Variants in ZKSCAN5 observed in about 807,000 individuals in gnomAD.
ZKSCAN5 encodes the protein zinc finger with KRAB and SCAN domains 5, also known as zinc finger protein with KRAB and SCAN domains 5.
A neutral mutation model predicts 60.0 loss-of-function variants in ZKSCAN5; 28 were observed. The ratio of observed to expected loss-of-function variants is 0.47; its 90% CI spans 0.35 to 0.64. The LOEUF (loss-of-function observed/expected upper bound fraction) is 0.64. Ranked by LOEUF, ZKSCAN5 falls within the 30% of genes least tolerant of loss-of-function variation. ZKSCAN5 has a pLI of 0.01. For missense variants in ZKSCAN5, 881 were observed against 1,034.6 expected, an observed-to-expected ratio of 0.85 and a Z score of 2.04; for synonymous variants, 361 against 371.2, an observed-to-expected ratio of 0.97 and a Z score of 0.31.
rs532518040 is a variant in ZKSCAN5, at chr7:99,533,829, T to C, written c.*1580T>C. On this transcript the variant is annotated 3_prime_UTR_variant, in exon 7 of 7. Coordinates refer to ENST00000326775, the MANE Select transcript of ZKSCAN5 (RefSeq NM_145102.4). ...TAAATCACACTGTCAATCACATGGT[T>C]CTGAATCCCTGTCTCAGGCTCTGCT... 1 of 390,796 alleles carries C rather than the reference T, an allele frequency of 2.6e-6. No homozygotes were observed. Among genetic ancestry groups the C allele is most frequent in the Admixed American group, 4.4e-5 (1 of 22,484 alleles). The allele number at this position is 390,796 out of a possible 1,614,324, so 24.2% of individuals were successfully genotyped here.
At chr7:99,509,939 T>C (rs1800941582) in intron 2 of ZKSCAN5, among the ~76,000 whole-genome samples, 2 of 152,116 alleles carry the variant, frequency 1.3e-5, no homozygotes. Context: ...TGGAGGTTTT[T>C]GTTTTTCATG....
rs889055689 is a variant in ZKSCAN5, at chr7:99,531,618, A to C, written c.1889A>C (p.Glu630Ala). 1 of 1,614,206 alleles carries C rather than the reference A, an allele frequency of 6.2e-7. No homozygotes were observed. The highest frequency in any genetic ancestry group is 1.3e-5 in the African/African-American group (1 of 75,058). The stretch of plus-strand genomic sequence containing the variant: ...CAGCATCAGAGCGTGCACAGTGGGG[A>C]GAGACCCTTCAAGTGTAACGAATGT... ...LVQHQSVHSG[E>A]RPFKCNECGK... Residue 630 changes from glutamate (E) to alanine (A), a missense_variant, in exon 7 of 7, where the codon GAG (glutamate) becomes GCG (alanine). Coordinates refer to ENST00000326775, the MANE Select transcript of ZKSCAN5 (RefSeq NM_145102.4).
chr7:99,526,038 A>G lies in ZKSCAN5; in HGVS notation c.998A>G (p.Asp333Gly). ...SQKRDLDAITDISPKQSTHGE... is the reference protein window; with the variant it reads ...SQKRDLDAITGISPKQSTHGE... ...AAAAGGGATCTGGATGCAATCACAG[A>G]CATCAGCCCTAAGCAAAGCACACAT... Residue 333 changes from aspartate (D) to glycine (G), a missense_variant, in exon 6 of 7, where the codon GAC becomes GGC. Coordinates refer to ENST00000326775, the MANE Select transcript of ZKSCAN5 (RefSeq NM_145102.4). 2 of 1,614,214 alleles carry G rather than the reference A, an allele frequency of 1.2e-6. No homozygotes were observed. Among genetic ancestry groups the G allele is most frequent in the Non-Finnish European group, 1.7e-6 (2 of 1,180,034 alleles).
chr7:99,515,011 C>A (rs181974953), intron 3 of ZKSCAN5, among the ~76,000 whole-genome samples: 1 of 151,656 alleles, frequency 6.6e-6, no homozygotes, highest in Non-Finnish European at 1.5e-5. Context: ...CCCAGGAATT[C>A]GAGGCTGCAG....
intron 2 of ZKSCAN5, among the ~76,000 whole-genome samples, chr7:99,510,274 C>T (rs1162642666): frequency 6.6e-6 from 1 of 151,812 alleles, no homozygotes; most frequent in Non-Finnish European, 1.5e-5. Flanking sequence ...GAGTCTGGCT[C>T]TGCCACCCAG....
chr7:99,516,593 T>G (rs1281457037), intron 3 of ZKSCAN5, among the ~76,000 whole-genome samples: 1 of 152,080 alleles, frequency 6.6e-6, no homozygotes, highest in Middle Eastern at 3.2e-3. Context: ...TCTGTGCAAG[T>G]CAAGGCACAT....
At chr7:99,518,282 T>G (rs1801355688) in intron 3 of ZKSCAN5, among the ~76,000 whole-genome samples, 1 of 151,506 alleles carries the variant, frequency 6.6e-6, no homozygotes, top group Non-Finnish European at 1.5e-5. Flanking sequence ...TTAGCCAAGC[T>G]TGGTGGTGCA....
intron 3 of ZKSCAN5, chr7:99,513,774 TC>T: frequency 3.0e-6 from 1 of 330,784 alleles, no homozygotes; most frequent in Non-Finnish European, 6.3e-6. Context: ...ACACTTGTAA[TC>T]CCTGCACTTT....
intron 6 of ZKSCAN5, 104 bp downstream of exon 6, chr7:99,526,522 G>C: frequency 1.4e-6 from 2 of 1,479,908 alleles, no homozygotes; most frequent in Non-Finnish European, 9.0e-7. Context: ...TACTGGGGGG[G>C]GTAGGAAGAG....
At chr7:99,505,326 T>C (rs377694093) in intron 1 of ZKSCAN5, 5 of 152,258 alleles carry the variant, frequency 3.3e-5, no homozygotes, top group African/African-American at 1.2e-4. Context: ...AAGAACCGCA[T>C]CTTCCCAGCC....
chr7:99,528,111 A>G (rs1264767322), intron 6 of ZKSCAN5, among the ~76,000 whole-genome samples: 1 of 150,414 alleles, frequency 6.6e-6, no homozygotes, highest in Non-Finnish European at 1.5e-5. Context: ...ACCAGCCAAA[A>G]TGTTTTTCTT....
intron 6 of ZKSCAN5, 121 bp downstream of exon 6, chr7:99,526,539 G>T: frequency 6.9e-7 from 1 of 1,449,064 alleles, no homozygotes; most frequent in Non-Finnish European, 9.2e-7. Context: ...AGAGGCAAAG[G>T]TTATCGTTTA....
rs1802039321 is a variant in ZKSCAN5, at chr7:99,531,393, G to C, written c.1664G>C (p.Gly555Ala). Reference sequence around the variant, plus strand: ...AGACCACATAAATGTAACGAGTGTGGGAAAAGCTTCATTCAGAGTGCACAT... The same window carrying C: ...AGACCACATAAATGTAACGAGTGTGCGAAAAGCTTCATTCAGAGTGCACAT... Reference protein sequence around the residue: ...GERPHKCNECGKSFIQSAHLI... With the variant: ...GERPHKCNECAKSFIQSAHLI... Residue 555 changes from glycine (G) to alanine (A), a missense_variant, in exon 7 of 7, where the codon GGG becomes GCG. Around this residue, in one of 5 missense-constraint regions of ZKSCAN5, gnomAD observed 490 missense variants for 554.5 expected, o/e 0.88. Coordinates refer to ENST00000326775, the MANE Select transcript of ZKSCAN5 (RefSeq NM_145102.4). 1 of 1,614,002 alleles carries C rather than the reference G, an allele frequency of 6.2e-7. No individual in the cohort carries two copies. The highest frequency in any genetic ancestry group is 1.3e-5 in the African/African-American group (1 of 74,888).
chr7:99,513,752 G>A (rs1340589171), intron 3 of ZKSCAN5: 1 of 353,142 alleles, frequency 2.8e-6, no homozygotes, highest in Non-Finnish European at 5.8e-6. Context: ...ACAAGGCCGG[G>A]CTCAGTGGCT....
intron 5 of ZKSCAN5, among the ~76,000 whole-genome samples, chr7:99,524,626 C>T (rs1801692887): frequency 6.6e-6 from 1 of 152,140 alleles, no homozygotes; most frequent in Non-Finnish European, 1.5e-5. Flanking sequence ...CTAATTATAG[C>T]CACTGAAACA....
intron 5 of ZKSCAN5, among the ~76,000 whole-genome samples, chr7:99,525,497 G>T (rs753908228): frequency 6.6e-6 from 1 of 150,770 alleles, no homozygotes; most frequent in Non-Finnish European, 1.5e-5. Flanking sequence ...ACGCGCGCGC[G>T]CACACACACA....
Position 99,506,404 on chromosome 7 carries a change from G to C in ZKSCAN5, c.360G>C (p.Glu120Asp). ...AACATCACCCTGAAAGTGGAGAAGA[G>C]GCGGTGGCCGTGATAGAAAATATAC... ...VREHHPESGE[E>D]AVAVIENIQR... The change falls in exon 2 of 7, where the codon GAG (glutamate) becomes GAC (aspartate). Residue 120 changes from glutamate (E) to aspartate (D), a missense_variant. Around this residue, in one of 5 missense-constraint regions of ZKSCAN5, gnomAD observed 53 missense variants for 88.7 expected, o/e 0.60. Transcript: ENST00000326775. 8.7e-6 allele frequency: 14 copies of C among 1,614,140 alleles called. No homozygotes were observed. Among genetic ancestry groups the C allele is most frequent in the Non-Finnish European group, 1.2e-5 (14 of 1,179,992 alleles).
chr7:99,515,896 A>C (rs1164398045), intron 3 of ZKSCAN5, among the ~76,000 whole-genome samples: 2 of 151,878 alleles, frequency 1.3e-5, no homozygotes, highest in African/African-American at 4.8e-5. Flanking sequence ...TGATTTGTCC[A>C]AGGTCACAAA....
At position 99,526,418 on chromosome 7, in the gene ZKSCAN5, T is replaced by A; in HGVS notation, c.1378T>A (p.Cys460Ser). The A allele has an allele frequency of 1.3e-6, 2 of 1,597,364 alleles. No homozygotes were observed. The highest frequency in any genetic ancestry group is 1.7e-6 in the Non-Finnish European group (2 of 1,178,408). Reference protein sequence around the residue: ...KRHFREKSQRCSDKRSKNTKL... With the variant: ...KRHFREKSQRSSDKRSKNTKL... ...CCACTTCAGGGAGAAATCCCAGAGA[T>A]GTACGTGTGAGGAGTTTATATCCGG... Residue 460 changes from cysteine to serine, a missense_variant and splice_region_variant, in exon 6 of 7, where the codon TGC (cysteine) becomes AGC (serine). Coordinates refer to ENST00000326775, the MANE Select transcript of ZKSCAN5 (RefSeq NM_145102.4).
Sources: gnomAD v4.1 joint callset for allele counts (sites outside exome capture counted in the v4.1 genomes callset) on GRCh38, gnomAD v4.1.1 for gene constraint, gnomAD v4.1.1 regional missense constraint, MANE v1.5 for transcripts, NCBI Gene and HGNC (gene_info 2026-07-23, HGNC 2026-07-21) for gene names.